Variants in PSD3 observed in about 807,000 individuals in gnomAD.
PSD3 encodes the protein PH and SEC7 domain-containing protein 3.
Under a neutral mutation model 105.5 loss-of-function variants are expected in PSD3, and 49 were observed. That is an observed-to-expected ratio of 0.46 (90% CI 0.37 to 0.59). The LOEUF (loss-of-function observed/expected upper bound fraction) is 0.59. Ranked by LOEUF, PSD3 falls within the 20% of genes least tolerant of loss-of-function variation. PSD3 has a pLI of 0.00. For missense variants in PSD3, 1,561 were observed against 1,263.8 expected (o/e 1.24, Z -3.57); for synonymous variants, 557 against 457.8 (o/e 1.22, Z -2.77).
chr8:19,010,969 AT>A (rs1563507666), intron 1 of PSD3, among the ~76,000 whole-genome samples: 1 of 151,254 alleles, frequency 6.6e-6, no homozygotes, highest in East Asian at 1.9e-4. Flanking sequence ...GTCACACTAG[AT>A]CCCCAGCCTC....
chr8:18,936,521 TGGGAGGCCAAAGCA>T (rs1822146082), intron 1 of PSD3, among the ~76,000 whole-genome samples: 2 of 152,176 alleles, frequency 1.3e-5, no homozygotes, highest in African/African-American at 4.8e-5. Flanking sequence ...CTCAGCACTT[TGGGAGGCCAAAGCA>T]GGTGGATCAC....
chr8:18,589,914 G>A (rs184680965), intron 12 of PSD3, among the ~76,000 whole-genome samples: 3 of 152,272 alleles, frequency 2.0e-5, no homozygotes, highest in East Asian at 1.9e-4. Flanking sequence ...CTTGCCTTCC[G>A]TTCTTACTTA....
chr8:19,051,741 G>A (rs537887883), intron 1 of PSD3, among the ~76,000 whole-genome samples: 1 of 152,292 alleles, frequency 6.6e-6, no homozygotes, highest in African/African-American at 2.4e-5. Flanking sequence ...TAGACTGCTG[G>A]CAGGGGTTAC....
intron 1 of PSD3, among the ~76,000 whole-genome samples, chr8:18,977,908 A>G (rs2129472525): frequency 6.6e-6 from 1 of 152,352 alleles, no homozygotes; most frequent in South Asian, 2.1e-4. Context: ...TCACAAAGGA[A>G]GAGGTTAAAC....
intron 9 of PSD3, among the ~76,000 whole-genome samples, chr8:18,711,862 T>G (rs181530240): frequency 6.6e-6 from 1 of 152,134 alleles, no homozygotes; most frequent in Non-Finnish European, 1.5e-5. Context: ...TACTCTAAAA[T>G]TGATCACATA....
intron 1 of PSD3, among the ~76,000 whole-genome samples, chr8:19,067,485 G>C (rs551610126): frequency 1.1e-4 from 17 of 152,214 alleles, no homozygotes; most frequent in Admixed American, 9.8e-4. Flanking sequence ...TGTGTTCTTT[G>C]AACAAAAAAG....
intron 4 of PSD3, among the ~76,000 whole-genome samples, chr8:18,822,009 G>A (rs1054939079): frequency 1.3e-5 from 2 of 151,918 alleles, no homozygotes; most frequent in Non-Finnish European, 2.9e-5. Context: ...ATGCACCTTA[G>A]TACCCTTAGC....
chr8:19,053,284 C>T (rs766236722), intron 1 of PSD3, among the ~76,000 whole-genome samples: 6 of 152,090 alleles, frequency 3.9e-5, no homozygotes, highest in Non-Finnish European at 7.4e-5. Context: ...GGAACAAGTG[C>T]TGAGGACAGA....
intron 8 of PSD3, among the ~76,000 whole-genome samples, chr8:18,778,192 G>C (rs1010569490): frequency 1.3e-5 from 2 of 152,060 alleles, no homozygotes; most frequent in African/African-American, 4.8e-5. Flanking sequence ...ATTACTCCTG[G>C]GTTAAATTTA....
At chr8:18,690,680 A>G (rs1357836373) in intron 9 of PSD3, among the ~76,000 whole-genome samples, 1 of 152,098 alleles carries the variant, frequency 6.6e-6, no homozygotes, top group Non-Finnish European at 1.5e-5. Context: ...TGGACACACC[A>G]CCGCTTTCCT....
exon 1 of PSD3, chr8:19,084,436 T>C (rs1384715815): frequency 2.2e-6 from 1 of 456,148 alleles, no homozygotes; most frequent in Non-Finnish European, 4.4e-6. Context: ...AAGGCATCCC[T>C]GCATCGGGGG....
chr8:18,928,856 C>T (rs1821555214), intron 2 of PSD3, among the ~76,000 whole-genome samples: 1 of 151,606 alleles, frequency 6.6e-6, no homozygotes, highest in Non-Finnish European at 1.5e-5. Context: ...CTTTCCTCTT[C>T]CTCTTGCTCA....
chr8:19,037,967 T>A (rs1475862553), intron 1 of PSD3, among the ~76,000 whole-genome samples: 2 of 149,646 alleles, frequency 1.3e-5, no homozygotes, highest in Non-Finnish European at 3.0e-5. Context: ...AGTATATATA[T>A]ATAATTTTAG....
intron 8 of PSD3, among the ~76,000 whole-genome samples, chr8:18,782,681 G>C (rs1393139435): frequency 6.6e-6 from 1 of 152,186 alleles, no homozygotes; most frequent in African/African-American, 2.4e-5. Context: ...TGGCAACAAT[G>C]GGCTGAGTGA....
chr8:18,817,083 C>A (rs1217259536), intron 4 of PSD3, among the ~76,000 whole-genome samples: 1 of 152,118 alleles, frequency 6.6e-6, no homozygotes, highest in Non-Finnish European at 1.5e-5. Flanking sequence ...GCCTCCATGG[C>A]TGGAGAGGAG....
intron 15 of PSD3, among the ~76,000 whole-genome samples, 183 bp from the exon 16 acceptor site, chr8:18,536,141 T>G (rs569504664): frequency 6.6e-6 from 1 of 152,192 alleles, no homozygotes; most frequent in Non-Finnish European, 1.5e-5. Context: ...AGAGACTGTC[T>G]TATGTAGATA....
rs1563360184 is a variant in PSD3 at position 18,865,257 on chromosome 8, TATATATATATATATATATA to T, written c.1634+2398_1634+2416del. The T allele has an allele frequency of 3.1e-3, 14 of 4,508 alleles. 1 individual carries two copies. The East Asian group carries it at 0.043, about 14-fold the overall frequency. The allele number at this position is 4,508 out of a possible 1,614,324, so 0.3% of individuals were successfully genotyped here. ...ATATATATATATATATATATATATATATATATATATATATATATATATATATATATTTTTTTTTTTTTTT... is the reference window on the plus strand; with the variant it reads ...ATATATATATATATATATATATATATTATATATATATTTTTTTTTTTTTTT... On this transcript the variant is annotated intron_variant, in intron 4 of 15. Coordinates refer to ENST00000327040, the MANE Select transcript of PSD3 (RefSeq NM_015310.4).
chr8:18,572,372 T>C lies in PSD3; in HGVS notation c.2784+156A>G, dbSNP rs188507691. 1.4e-4 allele frequency among the ~76,000 whole-genome samples: 22 copies of C among 152,296 alleles called. No homozygotes were observed. The East Asian group carries it at 4.3e-3, about 29-fold the overall frequency. ...TTCCTACATGAAGTGTAAAACCCAG[T>C]GTACTGCATATCTGCCTCATTTATA... On this transcript the variant is annotated intron_variant, in intron 14 of 15. Transcript: ENST00000327040.
At chr8:18,602,406 T>G (rs751381645) in intron 11 of PSD3, among the ~76,000 whole-genome samples, 1 of 152,090 alleles carries the variant, frequency 6.6e-6, no homozygotes, top group Non-Finnish European at 1.5e-5. Flanking sequence ...ACTTACTTAT[T>G]GTACTCACTT....
Sources: allele counts gnomAD v4.1 joint callset (sites outside exome capture counted in the v4.1 genomes callset), GRCh38; gene constraint gnomAD v4.1.1; transcripts MANE v1.5; gene names NCBI Gene and HGNC (gene_info 2026-07-23, HGNC 2026-07-21).